Variants in SPAG17 observed in about 807,000 individuals in gnomAD.
SPAG17 encodes sperm-associated antigen 17.
A neutral mutation model predicts 273.6 loss-of-function variants in SPAG17; 169 were observed. The ratio of observed to expected loss-of-function variants is 0.62; its 90% CI spans 0.55 to 0.70. SPAG17 has a LOEUF of 0.70. Among genes scored for constraint, SPAG17 ranks in the 30% least tolerant of loss-of-function variants. SPAG17 has a pLI of 0.00. For missense variants in SPAG17, 2,557 were observed against 2,627.8 expected, an observed-to-expected ratio of 0.97 and a Z score of 0.59; for synonymous variants, 825 against 873.2, an observed-to-expected ratio of 0.94 and a Z score of 0.97.
At position 117,996,456 on chromosome 1, in the gene SPAG17, C is replaced by T. The variant is rs138035488; in HGVS notation, c.4967G>A (p.Arg1656Gln). Residue 1656 changes from arginine (R) to glutamine (Q), a missense_variant, in exon 34 of 49, where the codon CGA becomes CAA. Transcript: ENST00000336338. ...YADGSGMELL[R>Q]DSDIEEYLSL... ...TAGATATTCTTCTATGTCACTGTCT[C>T]GAAGAAGTTCCATTCCTGATCCATC... The T allele has an allele frequency of 7.7e-4, 1,246 of 1,612,850 alleles. 4 individuals are homozygous for T. The Middle Eastern group carries it at 0.015, about 19-fold the overall frequency.
At chr1:117,998,491 G>A (rs992262496) in intron 32 of SPAG17, among the ~76,000 whole-genome samples, 2 of 152,078 alleles carry the variant, frequency 1.3e-5, no homozygotes, top group Non-Finnish European at 2.9e-5. Flanking sequence ...GTAATGTGAT[G>A]CCTCAACCTT....
chr1:118,148,222 T>C (rs1222771603), intron 3 of SPAG17, among the ~76,000 whole-genome samples: 3 of 152,238 alleles, frequency 2.0e-5, no homozygotes, highest in Non-Finnish European at 2.9e-5. Flanking sequence ...CTAGTGTGTC[T>C]GGAGTTGATT....
At chr1:118,184,494 C>T (rs1393831965) in intron 1 of SPAG17, among the ~76,000 whole-genome samples, 2 of 152,124 alleles carry the variant, frequency 1.3e-5, no homozygotes, top group African/African-American at 4.8e-5. Context: ...TGGCCGCCAA[C>T]CCCTCATTGC....
At chr1:118,166,695 T>C (rs1425568923) in intron 1 of SPAG17, among the ~76,000 whole-genome samples, 1 of 152,178 alleles carries the variant, frequency 6.6e-6, no homozygotes, top group Non-Finnish European at 1.5e-5. Context: ...TCAATGATAT[T>C]GTTTGAGCTA....
intron 24 of SPAG17, among the ~76,000 whole-genome samples, chr1:118,033,560 C>G (rs916292455): frequency 2.6e-5 from 4 of 152,176 alleles, no homozygotes; most frequent in South Asian, 2.1e-4. Context: ...TCCAATACCA[C>G]CACTTCAGTG....
At chr1:118,001,018 G>A (rs924231215) in intron 32 of SPAG17, among the ~76,000 whole-genome samples, 3 of 152,180 alleles carry the variant, frequency 2.0e-5, no homozygotes, top group Non-Finnish European at 4.4e-5. Context: ...TTTATTGAGA[G>A]TTTTTAGCAT....
At chr1:118,084,321 G>A (rs1273962542) in intron 13 of SPAG17, among the ~76,000 whole-genome samples, 1 of 152,132 alleles carries the variant, frequency 6.6e-6, no homozygotes, top group South Asian at 2.1e-4. Context: ...TTTTTAGTTC[G>A]GTTAGGCTTA....
At chr1:118,142,809 TG>T (rs746232894) in intron 3 of SPAG17, among the ~76,000 whole-genome samples, 28 of 152,186 alleles carry the variant, frequency 1.8e-4, no homozygotes, top group Non-Finnish European at 3.4e-4. Context: ...CAGTCTGGTT[TG>T]GTTCCATACT....
intron 4 of SPAG17, among the ~76,000 whole-genome samples, chr1:118,114,479 T>C (rs1487911156): frequency 6.6e-6 from 1 of 152,150 alleles, no homozygotes; most frequent in Non-Finnish European, 1.5e-5. Flanking sequence ...CACTTTTCTG[T>C]TTTTTCTTCC....
chr1:117,964,063 T>C, intron 47 of SPAG17, 125 bp from the exon 48 acceptor site: 2 of 1,081,238 alleles, frequency 1.8e-6, no homozygotes, highest in Non-Finnish European at 2.7e-6. Flanking sequence ...GGTAACTGTC[T>C]ATCCAATGCA....
At chr1:117,997,171 T>A (rs1325750) in intron 32 of SPAG17, among the ~76,000 whole-genome samples, 11,263 of 152,076 alleles carry the variant, frequency 0.074, 1,091 homozygotes, top group African/African-American at 0.23. Context: ...ATGGGTAGAA[T>A]ACATTGGGAA....
intron 7 of SPAG17, among the ~76,000 whole-genome samples, chr1:118,093,798 C>A (rs1037192330): frequency 1.3e-5 from 2 of 152,326 alleles, no homozygotes; most frequent in South Asian, 4.1e-4. Context: ...AGTATGTGGG[C>A]AATCAGTATT....
intron 4 of SPAG17, among the ~76,000 whole-genome samples, chr1:118,110,785 T>C (rs993250359): frequency 2.0e-5 from 3 of 152,200 alleles, no homozygotes; most frequent in Non-Finnish European, 4.4e-5. Context: ...GGGAAATGTC[T>C]CTGGGCAAGC....
At chr1:118,184,958 G>C (rs529800107) in intron 1 of SPAG17, 113 bp downstream of exon 1, 19 of 897,226 alleles carry the variant, frequency 2.1e-5, no homozygotes, top group Non-Finnish European at 3.4e-5. Context: ...GGAACCATCA[G>C]GCCACGGAGA....
Position 118,011,900 on chromosome 1 carries a change from C to T in SPAG17, c.4432+328G>A, listed in dbSNP as rs113715338. Among the ~76,000 whole-genome samples, 436 of 151,882 alleles carry T rather than the reference C, an allele frequency of 2.9e-3. 1 individual carries two copies. The highest frequency in any genetic ancestry group is 9.1e-3 in the African/African-American group (375 of 41,434). On this transcript the variant is annotated intron_variant, in intron 30 of 48. Coordinates refer to ENST00000336338, the MANE Select transcript of SPAG17 (RefSeq NM_206996.4). ...AATAAGTATCTGAGGGTAATGCATA[C>T]GTTAATTCACTTGATTGAGTCATTT...
chr1:118,133,347 G>A (rs1490496899), intron 3 of SPAG17, among the ~76,000 whole-genome samples: 1 of 152,090 alleles, frequency 6.6e-6, no homozygotes, highest in African/African-American at 2.4e-5. Flanking sequence ...CCCCCTTCTG[G>A]CACTGTGAGC....
chr1:118,054,430 A>G (rs1651419101), intron 19 of SPAG17, among the ~76,000 whole-genome samples: 1 of 152,112 alleles, frequency 6.6e-6, no homozygotes, highest in Non-Finnish European at 1.5e-5. Context: ...CAAATCTAAC[A>G]TTTCCATCCA....
Position 117,972,018 on chromosome 1 carries a change from G to A in SPAG17, c.6171C>T (p.Asn2057=). 6.2e-7 allele frequency: 1 copy of A among 1,613,446 alleles called. No homozygotes were observed. The highest frequency in any genetic ancestry group is 1.1e-5 in the South Asian group (1 of 90,932). ...KVQDSVGGKV[N]TSSVASAAIN... ...TGGCAGCAGATGCAACAGAGGATGT[G>A]TTCACTTTTCCTCCAACAGAATCTT... The change falls in exon 45 of 49, where the codon AAC becomes AAT. Residue 2057 remains asparagine (N), a synonymous_variant. Coordinates refer to ENST00000336338, the MANE Select transcript of SPAG17 (RefSeq NM_206996.4).
chr1:118,029,850 C>T (rs1040624046), intron 25 of SPAG17, among the ~76,000 whole-genome samples: 4 of 152,084 alleles, frequency 2.6e-5, no homozygotes, highest in Admixed American at 2.6e-4. Context: ...TCTGCCTTTT[C>T]TTTGTCACTA....
Sources: allele counts gnomAD v4.1 joint callset (sites outside exome capture counted in the v4.1 genomes callset), GRCh38; gene constraint gnomAD v4.1.1; transcripts MANE v1.5; gene names NCBI Gene and HGNC (gene_info 2026-07-23, HGNC 2026-07-21).